CES4A: variants seen among roughly 807,000 people sequenced by gnomAD.
CES4A encodes carboxylesterase 6.
In CES4A, 48 loss-of-function variants were observed where a neutral mutation model predicts 65.4. That is an observed-to-expected ratio of 0.73 (90% CI 0.58 to 0.93). The LOEUF is 0.93. CES4A is among the 40% of genes least tolerant of loss of function. CES4A has a pLI of 0.00. For missense variants in CES4A, 685 were observed against 728.5 expected (o/e 0.94, Z 0.69); for synonymous variants, 247 against 281.8 (o/e 0.88, Z 1.24).
At chr16:66,994,534 T>C (rs1337687292) in intron 1 of CES4A, among the ~76,000 whole-genome samples, 5 of 150,660 alleles carry the variant, frequency 3.3e-5, no homozygotes, top group East Asian at 2.0e-4. Context: ...ATATGCTTAC[T>C]GATAGGGATT....
chr16:67,002,118 C>T (rs2145636844), intron 5 of CES4A, among the ~76,000 whole-genome samples: 2 of 152,168 alleles, frequency 1.3e-5, no homozygotes, highest in South Asian at 4.2e-4. Flanking sequence ...AACGAAGGCC[C>T]AGAGAATTAA....
In CES4A at chr16:67,003,952, C is replaced by T. The variant is rs1965546943; in HGVS notation, c.940-132C>T. 3.1e-6 allele frequency: 3 copies of T among 952,650 alleles called. No individual in the cohort carries two copies. Among genetic ancestry groups the T allele is most frequent in the Non-Finnish European group, 4.9e-6 (3 of 615,822 alleles). 59.0% of individuals were successfully genotyped at this position (952,650 alleles called of 1,614,324 possible). A position where few individuals can be genotyped will look rare whatever the true frequency, so the allele number is the denominator to read the frequency against. On this transcript the variant is annotated intron_variant, in intron 8 of 13. Transcript: ENST00000648724. This position sits in a 1 kb window ranked among gnomAD's most constrained non-coding sequence, Gnocchi z 4.2. ...CTCCCACACCCATCCTCCTGGGGCT[C>T]ACCATGCCAGCCCCAGCCTTTTCCC...
chr16:67,006,731 C>T lies in CES4A; in HGVS notation c.1445-14C>T. On this transcript the variant is annotated splice_polypyrimidine_tract_variant and intron_variant, in intron 12 of 13. Coordinates refer to ENST00000648724, the Ensembl canonical transcript of CES4A. ...CTGCTCTGTCCGAAATCCCACATCC[C>T]ATTCTGCCCCCAGGCCTTTCCATGG... 1 of 1,613,518 alleles carries T rather than the reference C, an allele frequency of 6.2e-7. No individual in the cohort carries two copies. The highest frequency in any genetic ancestry group is 8.5e-7 in the Non-Finnish European group (1 of 1,179,568).
At chr16:67,007,591 A>G (rs1329734365) in intron 13 of CES4A, 1 of 151,108 alleles carries the variant, frequency 6.6e-6, no homozygotes, top group Non-Finnish European at 1.5e-5. Flanking sequence ...CATCCTCCTT[A>G]TGACACTCAA....
intron 1 of CES4A, among the ~76,000 whole-genome samples, chr16:66,992,503 G>A (rs1964473674): frequency 6.6e-6 from 1 of 152,196 alleles, no homozygotes; most frequent in Admixed American, 6.5e-5. Context: ...TCATCAGAGA[G>A]TGTGGGGTGG....
At position 66,995,703 on chromosome 16, in the gene CES4A, AG is replaced by A; in HGVS notation, c.135del (p.Thr46HisfsTer7). On this transcript the variant is annotated frameshift_variant, in exon 2 of 14. Coordinates refer to ENST00000648724, the Ensembl canonical transcript of CES4A. LOFTEE classifies it high-confidence loss of function. The stretch of plus-strand genomic sequence containing the variant: ...CAAGGAAAACAGATGCATGTGGGGA[AG>A]ACACCCATCCAAGTCTTTTTAGGAG... The A allele has an allele frequency of 6.2e-7, 1 of 1,614,248 alleles. No individual in the cohort carries two copies. The highest frequency in any genetic ancestry group is 8.5e-7 in the Non-Finnish European group (1 of 1,180,028).
At chr16:66,992,199 G>C (rs1430551922) in intron 1 of CES4A, among the ~76,000 whole-genome samples, 2 of 152,266 alleles carry the variant, frequency 1.3e-5, no homozygotes, top group African/African-American at 4.8e-5. Context: ...GTCCAGTGGA[G>C]AAGCCCATGT....
At position 67,000,445 on chromosome 16, in the gene CES4A, A is replaced by T; in HGVS notation, c.261-193A>T. The stretch of plus-strand genomic sequence containing the variant: ...GGGCAGGGAGGGGATGGTTCCTGAG[A>T]GGCCAACCTGCCTCCCAGTCCTGGG... On this transcript the variant is annotated intron_variant, in intron 2 of 13. Coordinates refer to ENST00000648724, the Ensembl canonical transcript of CES4A. The surrounding 1 kb of genome is among the most constrained non-coding windows in gnomAD (Gnocchi z 4.2). 1 of 1,407,110 alleles carries T rather than the reference A, an allele frequency of 7.1e-7. No homozygotes were observed. The highest frequency in any genetic ancestry group is 9.2e-7 in the Non-Finnish European group (1 of 1,084,308). 87.2% of individuals were successfully genotyped at this position (1,407,110 alleles called of 1,614,324 possible).
chr16:67,000,757 C>G lies in CES4A; in HGVS notation c.380C>G (p.Ala127Gly). 1 of 1,549,118 alleles carries G rather than the reference C, an allele frequency of 6.5e-7. No homozygotes were observed. Among genetic ancestry groups the G allele is most frequent in the Non-Finnish European group, 8.7e-7 (1 of 1,146,106 alleles). Residue 127 changes from alanine to glycine, a missense_variant, in exon 3 of 14, where the codon GCG becomes GGG. Coordinates refer to ENST00000648724, the Ensembl canonical transcript of CES4A. The surrounding 1 kb of genome is among the most constrained non-coding windows in gnomAD (Gnocchi z 4.2). Reference sequence around the variant, plus strand: ...CTGAACGTGTACGCGCCGGCGCGCGCGCCCGGGGATCCCCAGCTGCCAGTG... The same window carrying G: ...CTGAACGTGTACGCGCCGGCGCGCGGGCCCGGGGATCCCCAGCTGCCAGTG...
intron 2 of CES4A, among the ~76,000 whole-genome samples, chr16:66,996,900 T>A (rs1042734402): frequency 7.9e-5 from 12 of 151,724 alleles, no homozygotes; most frequent in African/African-American, 2.2e-4. Flanking sequence ...CAGAAAATTT[T>A]AAAAAAATAT....
rs1567566230 is a variant in CES4A at position 66,988,951 on chromosome 16, C to A, written c.58+121C>A. ...CAGGAGCACTTAGACAAGGCCTGGG[C>A]AAATGGAGGGTAGGGTTTCAGGACA... On this transcript the variant is annotated intron_variant, in intron 1 of 13. Transcript: ENST00000648724. The A allele has an allele frequency of 5.9e-6, 7 of 1,185,024 alleles. No individual in the cohort carries two copies. The East Asian group carries it at 7.9e-5, about 13-fold the overall frequency. 73.4% of individuals were successfully genotyped at this position (1,185,024 alleles called of 1,614,324 possible). A position where few individuals can be genotyped will look rare whatever the true frequency, so the allele number is the denominator to read the frequency against.
In CES4A at chr16:67,001,330, G is replaced by T. The variant is rs1461785987; in HGVS notation, c.559G>T (p.Gly187Trp). 1 of 1,611,304 alleles carries T rather than the reference G, an allele frequency of 6.2e-7. No homozygotes were observed. The highest frequency in any genetic ancestry group is 8.5e-7 in the Non-Finnish European group (1 of 1,178,812). ...CAGCACGGACGACAGCCACGCGCGCGGGAACTGGGGGCTGCTGGACCAGAT... is the reference window on the plus strand; with the variant it reads ...CAGCACGGACGACAGCCACGCGCGCTGGAACTGGGGGCTGCTGGACCAGAT... The change falls in exon 5 of 14, where the codon GGG (glycine) becomes TGG (tryptophan). Residue 187 changes from glycine to tryptophan, a missense_variant. Transcript: ENST00000648724. This position sits in a 1 kb window ranked among gnomAD's most constrained non-coding sequence, Gnocchi z 4.1.
In CES4A at chr16:67,000,259, T is replaced by TG. The variant is rs1375854382; in HGVS notation, c.261-375dup. The stretch of plus-strand genomic sequence containing the variant: ...GGTGGCCTTGACATCTCCCCAGAGA[T>TG]GGGGATGGAGGGGAGGGACCATATT... On this transcript the variant is annotated intron_variant, in intron 2 of 13. Coordinates refer to ENST00000648724, the Ensembl canonical transcript of CES4A. This position sits in a 1 kb window ranked among gnomAD's most constrained non-coding sequence, Gnocchi z 4.2. Among the ~76,000 whole-genome samples, 2 of 150,938 alleles carry TG rather than the reference T, an allele frequency of 1.3e-5. No homozygotes were observed. The highest frequency in any genetic ancestry group is 3.0e-5 in the Non-Finnish European group (2 of 67,766).
chr16:66,997,978 C>T (rs1160834029), intron 2 of CES4A, among the ~76,000 whole-genome samples: 1 of 148,876 alleles, frequency 6.7e-6, no homozygotes, highest in Non-Finnish European at 1.5e-5. Flanking sequence ...CACACACACA[C>T]ACACACACAC....
chr16:66,999,147 T>C (rs1457123095), intron 2 of CES4A, among the ~76,000 whole-genome samples: 1 of 152,196 alleles, frequency 6.6e-6, no homozygotes, highest in Non-Finnish European at 1.5e-5. Context: ...AGTGTTGGAA[T>C]GCTGTAGGGA....
exon 14 of CES4A, chr16:67,009,240 C>A: frequency 8.0e-7 from 1 of 1,247,506 alleles, no homozygotes; most frequent in Non-Finnish European, 1.1e-6. Context: ...AGAGTTCTAC[C>A]CACCCCAGTT....
In CES4A at chr16:67,001,185, G is replaced by T; in HGVS notation, c.537-123G>T. The T allele has an allele frequency of 7.3e-7, 1 of 1,375,544 alleles. No homozygotes were observed. The highest frequency in any genetic ancestry group is 9.7e-7 in the Non-Finnish European group (1 of 1,034,764). The allele number at this position is 1,375,544 out of a possible 1,614,324, so 85.2% of individuals were successfully genotyped here. On this transcript the variant is annotated intron_variant, in intron 4 of 13. Coordinates refer to ENST00000648724, the Ensembl canonical transcript of CES4A. The surrounding 1 kb of genome is among the most constrained non-coding windows in gnomAD (Gnocchi z 4.1). The stretch of plus-strand genomic sequence containing the variant: ...GCGAGCTAACTCCAAGGAAGGGGGT[G>T]TGGTCGCAGGACTGGGTCTTAGAGG...
intron 9 of CES4A, 138 bp downstream of exon 9, chr16:67,004,362 G>A (rs1965589093): frequency 2.2e-6 from 2 of 916,172 alleles, no homozygotes; most frequent in Non-Finnish European, 3.4e-6. Flanking sequence ...CTATGTTTGG[G>A]AGCCTCCTGT....
Position 67,000,439 on chromosome 16 carries a change from C to T in CES4A, c.261-199C>T. The T allele has an allele frequency of 7.1e-7, 1 of 1,404,358 alleles. No homozygotes were observed. The highest frequency in any genetic ancestry group is 9.2e-7 in the Non-Finnish European group (1 of 1,081,816). 87.0% of individuals were successfully genotyped at this position (1,404,358 alleles called of 1,614,324 possible). ...GGCGCCGGGCAGGGAGGGGATGGTT[C>T]CTGAGAGGCCAACCTGCCTCCCAGT... is the stretch of plus-strand genomic sequence containing the variant. On this transcript the variant is annotated intron_variant, in intron 2 of 13. Coordinates refer to ENST00000648724, the Ensembl canonical transcript of CES4A. The surrounding 1 kb of genome is among the most constrained non-coding windows in gnomAD (Gnocchi z 4.2).
Sources: allele counts gnomAD v4.1 joint callset (sites outside exome capture counted in the v4.1 genomes callset), GRCh38; gene constraint gnomAD v4.1.1; non-coding constraint Gnocchi (gnomAD v3.1); transcripts MANE v1.5; gene names NCBI Gene and HGNC (gene_info 2026-07-23, HGNC 2026-07-21).